The following ORMDL1 variants were observed in gnomAD, a reference collection of about 807,000 sequenced individuals.
ORMDL1 encodes the protein ORMDL sphingolipid biosynthesis regulator 1.
Under a neutral mutation model 13.0 loss-of-function variants are expected in ORMDL1, and 10 were observed. The observed-to-expected ratio is 0.77, with a 90% CI of 0.47 to 1.30. The LOEUF is 1.30. Among genes scored for constraint, ORMDL1 ranks in the 50% most tolerant of loss-of-function variants. The pLI is 0.00. For synonymous variants in ORMDL1, 61 were observed against 63.9 expected (o/e 0.95, Z 0.22); for missense variants, 171 against 186.7 (o/e 0.92, Z 0.49).
downstream of ORMDL1, among the ~76,000 whole-genome samples, chr2:189,766,500 G>C (rs375055105): frequency 2.0e-5 from 3 of 152,118 alleles, no homozygotes; most frequent in East Asian, 1.9e-4. Flanking sequence ...GGCTGAGGTG[G>C]GCGGATTACC....
intron 3 of ORMDL1, among the ~76,000 whole-genome samples, chr2:189,777,793 A>T (rs1351245479): frequency 6.6e-6 from 1 of 152,096 alleles, no homozygotes; most frequent in Non-Finnish European, 1.5e-5. Context: ...TAAAGCAACC[A>T]CTGTAGGTTT....
Position 189,770,469 on chromosome 2 carries a change from C to G in ORMDL1, c.*1298G>C, listed in dbSNP as rs184556186. 12 of 152,196 alleles carry G rather than the reference C, an allele frequency of 7.9e-5. No homozygotes were observed. The highest frequency in any genetic ancestry group is 7.8e-4 in the Admixed American group (12 of 15,292). 9.4% of individuals were successfully genotyped at this position (152,196 alleles called of 1,614,324 possible). A position where few individuals can be genotyped will look rare whatever the true frequency, so the allele number is the denominator to read the frequency against. ...GAGATACAAAACAATGATCATTACC[C>G]CCAAAAGTCAGTTTACTGACACGAA... On this transcript the variant is annotated 3_prime_UTR_variant, in exon 5 of 5. Transcript: ENST00000392349.
chr2:189,769,924 T>C (rs2047543860), downstream of ORMDL1, among the ~76,000 whole-genome samples: 1 of 152,148 alleles, frequency 6.6e-6, no homozygotes, highest in African/African-American at 2.4e-5. Context: ...GTCAGGAGCA[T>C]TTATGGCATG....
rs111676905 is a variant in ORMDL1 at position 189,782,606 on chromosome 2, T to C, written c.-7-4A>G. On this transcript the variant is annotated splice_region_variant and splice_polypyrimidine_tract_variant and intron_variant, in intron 2 of 4. Transcript: ENST00000392349. The stretch of plus-strand genomic sequence containing the variant: ...AACTCCAACGTTCATGTTTGCTCTG[T>C]AGGAAGTAATGAAATGAATCAACAC... The C allele has an allele frequency of 6.2e-7, 1 of 1,611,356 alleles. No homozygotes were observed. Among genetic ancestry groups the C allele is most frequent in the Non-Finnish European group, 8.5e-7 (1 of 1,177,962 alleles).
downstream of ORMDL1, among the ~76,000 whole-genome samples, chr2:189,765,837 CCATT>C (rs2047473464): frequency 6.9e-6 from 1 of 144,840 alleles, no homozygotes; most frequent in African/African-American, 2.5e-5. Flanking sequence ...TTTACTTTCT[CCATT>C]TTTTTTTTTT....
intron 4 of ORMDL1, among the ~76,000 whole-genome samples, chr2:189,772,823 GAA>G (rs2047607931): frequency 6.6e-6 from 1 of 152,196 alleles, no homozygotes; most frequent in Admixed American, 6.5e-5. Flanking sequence ...AACATGGTTA[GAA>G]GAGAGGAGCT....
intron 4 of ORMDL1, chr2:189,775,137 GAAA>G: frequency 6.5e-6 from 1 of 153,312 alleles, no homozygotes; most frequent in Non-Finnish European, 1.5e-5. Flanking sequence ...TACTTTTTTC[GAAA>G]CCATACTCTT....
chr2:189,783,754 G>A (rs1420186384), intron 1 of ORMDL1, among the ~76,000 whole-genome samples: 2 of 152,166 alleles, frequency 1.3e-5, no homozygotes, highest in Non-Finnish European at 1.5e-5. Flanking sequence ...CAGGATGGAG[G>A]CCTGAAATTT....
chr2:189,780,064 C>T (rs1034441545), intron 3 of ORMDL1, among the ~76,000 whole-genome samples: 1 of 152,242 alleles, frequency 6.6e-6, no homozygotes, highest in East Asian at 1.9e-4. Flanking sequence ...TTTGGAATAT[C>T]GGCATATACA....
chr2:189,766,918 TAATA>T (rs1387979628), downstream of ORMDL1, among the ~76,000 whole-genome samples: 7 of 152,218 alleles, frequency 4.6e-5, no homozygotes, highest in African/African-American at 1.7e-4. Context: ...ATCCAAGATG[TAATA>T]TATATCAGAA....
intron 3 of ORMDL1, among the ~76,000 whole-genome samples, chr2:189,775,995 C>G (rs776106700): frequency 3.1e-4 from 47 of 152,228 alleles, no homozygotes; most frequent in Non-Finnish European, 6.3e-4. Context: ...ATCAGGGTAG[C>G]TTCATATCTT....
chr2:189,766,178 C>T (rs1276906763), downstream of ORMDL1, among the ~76,000 whole-genome samples: 4 of 152,060 alleles, frequency 2.6e-5, no homozygotes, highest in South Asian at 6.2e-4. Context: ...TGATGTGGAA[C>T]GTTCTTTCAT....
intron 3 of ORMDL1, chr2:189,778,048 A>G (rs983687751): frequency 5.3e-6 from 2 of 379,426 alleles, no homozygotes; most frequent in Non-Finnish European, 1.0e-5. Context: ...ATACAATGTC[A>G]ATTACCAATC....
downstream of ORMDL1, among the ~76,000 whole-genome samples, chr2:189,769,350 G>T (rs576763243): frequency 6.6e-6 from 1 of 151,456 alleles, no homozygotes; most frequent in African/African-American, 2.4e-5. Context: ...TCACGCCACT[G>T]CACTCCAGCC....
Position 189,771,687 on chromosome 2 carries a change from G to T in ORMDL1, c.*80C>A, listed in dbSNP as rs909098773. 5 of 1,237,850 alleles carry T rather than the reference G, an allele frequency of 4.0e-6. No individual in the cohort carries two copies. 76.7% of individuals were successfully genotyped at this position (1,237,850 alleles called of 1,614,324 possible). ...ATACTTCTCATTTCACATTATCACA[G>T]AAACAGTGCAGTTTACTAACCACTC... On this transcript the variant is annotated 3_prime_UTR_variant, in exon 5 of 5. Coordinates refer to ENST00000392349, the MANE Select transcript of ORMDL1 (RefSeq NM_016467.5).
At chr2:189,782,066 C>G (rs184123180) in intron 3 of ORMDL1, among the ~76,000 whole-genome samples, 14 of 152,166 alleles carry the variant, frequency 9.2e-5, no homozygotes, top group African/African-American at 3.4e-4. Flanking sequence ...CCTCAGCCTC[C>G]CGAGTAGCTG....
intron 3 of ORMDL1, among the ~76,000 whole-genome samples, chr2:189,781,781 TA>T (rs1191765951): frequency 6.6e-6 from 1 of 152,190 alleles, no homozygotes; most frequent in African/African-American, 2.4e-5. Flanking sequence ...TCTTATATAC[TA>T]AAAACTACTA....
chr2:189,776,987 A>T (rs187281537), intron 3 of ORMDL1, among the ~76,000 whole-genome samples: 9 of 152,272 alleles, frequency 5.9e-5, no homozygotes, highest in Non-Finnish European at 1.2e-4. Context: ...CAGGGGAGGG[A>T]AAGGTTCCTT....
chr2:189,781,851 G>GT (rs1318976339), intron 3 of ORMDL1, among the ~76,000 whole-genome samples: 1 of 151,756 alleles, frequency 6.6e-6, no homozygotes. Context: ...CAAAAAAGCT[G>GT]TTAAAAAAAC....
Sources: gnomAD v4.1 joint callset for allele counts (sites outside exome capture counted in the v4.1 genomes callset) on GRCh38, gnomAD v4.1.1 for gene constraint, MANE v1.5 for transcripts, NCBI Gene and HGNC (gene_info 2026-07-23, HGNC 2026-07-21) for gene names.